Variants in ONECUT2 observed in about 807,000 individuals in gnomAD.
ONECUT2 encodes one cut domain family member 2.
A neutral mutation model predicts 27.9 loss-of-function variants in ONECUT2; 10 were observed. That is an observed-to-expected ratio of 0.36 (90% confidence interval 0.22 to 0.61). ONECUT2 has a LOEUF of 0.61. Among genes scored for constraint, ONECUT2 ranks in the 20% least tolerant of loss-of-function variants. The pLI is 0.73. For synonymous variants in ONECUT2, 334 were observed against 315.1 expected, an observed-to-expected ratio of 1.06 and a Z score of -0.64; for missense variants, 686 against 721.0, an observed-to-expected ratio of 0.95 and a Z score of 0.56.
chr18:57,452,992 T>G (rs1190388578), intron 1 of ONECUT2, among the ~76,000 whole-genome samples: 2 of 152,232 alleles, frequency 1.3e-5, no homozygotes, highest in Non-Finnish European at 2.9e-5. Flanking sequence ...TGTCTAAGTT[T>G]TTTTAAACTT....
rs1005359267 is a variant in ONECUT2 at position 57,487,750 on chromosome 18, G to A, written c.*11027G>A. 2.6e-5 allele frequency: 4 copies of A among 152,074 alleles called. No individual in the cohort carries two copies. The highest frequency in any genetic ancestry group is 7.2e-5 in the African/African-American group (3 of 41,410). 9.4% of individuals were successfully genotyped at this position (152,074 alleles called of 1,614,324 possible). ...ACAATGTTCCATCTACCATCTAAAA[G>A]GTAATATAAGAAGAAGTTTTGAAAC... On this transcript the variant is annotated 3_prime_UTR_variant, in exon 2 of 2. Coordinates refer to ENST00000491143, the MANE Select transcript of ONECUT2 (RefSeq NM_004852.3).
intron 1 of ONECUT2, among the ~76,000 whole-genome samples, chr18:57,448,265 G>A (rs1345580100): frequency 6.6e-6 from 1 of 152,184 alleles, no homozygotes; most frequent in Non-Finnish European, 1.5e-5. Context: ...GGGAGGTAGA[G>A]CATTGGAATA....
In ONECUT2 at chr18:57,476,900, C is replaced by T. The variant is rs2050386437; in HGVS notation, c.*177C>T. The T allele has an allele frequency of 1.4e-6, 1 of 737,926 alleles. No individual in the cohort carries two copies. Among genetic ancestry groups the T allele is most frequent in the Admixed American group, 2.9e-5 (1 of 34,054 alleles). The allele number at this position is 737,926 out of a possible 1,614,324, so 45.7% of individuals were successfully genotyped here. A position where few individuals can be genotyped will look rare whatever the true frequency, so the allele number is the denominator to read the frequency against. ...CTGTAATCATAGGCCAGGTGTTCTT[C>T]TTTTGTTTTTAATGGCTATGGAGTC... is the stretch of plus-strand genomic sequence containing the variant. On this transcript the variant is annotated 3_prime_UTR_variant, in exon 2 of 2. Coordinates refer to ENST00000491143, the MANE Select transcript of ONECUT2 (RefSeq NM_004852.3).
chr18:57,444,834 G>A (rs957786695), intron 1 of ONECUT2, among the ~76,000 whole-genome samples: 1 of 152,180 alleles, frequency 6.6e-6, no homozygotes, highest in Non-Finnish European at 1.5e-5. Flanking sequence ...TAGGATAGCT[G>A]GGCATTAAGC....
intron 1 of ONECUT2, among the ~76,000 whole-genome samples, chr18:57,474,703 T>A (rs28722501): frequency 0.03 from 4,501 of 152,146 alleles, 229 homozygotes; most frequent in African/African-American, 0.1. Flanking sequence ...ACATATGAAT[T>A]TTTGGGGGGA....
intron 1 of ONECUT2, among the ~76,000 whole-genome samples, chr18:57,460,541 T>C (rs571554193): frequency 1.6e-4 from 25 of 152,254 alleles, no homozygotes; most frequent in Admixed American, 9.8e-4. Flanking sequence ...GGATATATAT[T>C]TTCTCTCCTC....
chr18:57,464,865 T>G (rs1365175971), intron 1 of ONECUT2, among the ~76,000 whole-genome samples: 1 of 152,232 alleles, frequency 6.6e-6, no homozygotes, highest in African/African-American at 2.4e-5. Context: ...TCTTGAGCTT[T>G]TAAGTTTGAT....
chr18:57,449,269 A>C (rs1280736762), intron 1 of ONECUT2, among the ~76,000 whole-genome samples: 1 of 152,214 alleles, frequency 6.6e-6, no homozygotes, highest in Non-Finnish European at 1.5e-5. Flanking sequence ...TTAGATTAAG[A>C]TCCAGAAGAG....
chr18:57,455,761 G>A (rs1336435362), intron 1 of ONECUT2, among the ~76,000 whole-genome samples: 1 of 152,138 alleles, frequency 6.6e-6, no homozygotes, highest in Non-Finnish European at 1.5e-5. Context: ...CCTCCGGAGG[G>A]GTCTAGGGAA....
Position 57,436,619 on chromosome 18 carries a change from T to G in ONECUT2, c.903T>G (p.Thr301=). Residue 301 remains threonine (T), a synonymous_variant, in exon 1 of 2, where the codon ACT becomes ACG. Coordinates refer to ENST00000491143, the MANE Select transcript of ONECUT2 (RefSeq NM_004852.3). This position sits in a 1 kb window ranked among gnomAD's most constrained non-coding sequence, Gnocchi z 5.9. ...ACGGCCTGCACCACCCGGGCCACAC[T>G]CAGTCTCACGGGCCGGTGCTGGCAC... ...HLNGLHHPGH[T]QSHGPVLAPS... The G allele has an allele frequency of 6.2e-7, 1 of 1,611,104 alleles. No homozygotes were observed. Among genetic ancestry groups the G allele is most frequent in the Non-Finnish European group, 8.5e-7 (1 of 1,179,838 alleles).
chr18:57,490,622 C>G lies in ONECUT2; in HGVS notation c.*13899C>G, dbSNP rs927076476. On this transcript the variant is annotated 3_prime_UTR_variant, in exon 2 of 2. Coordinates refer to ENST00000491143, the MANE Select transcript of ONECUT2 (RefSeq NM_004852.3). ...AGACCGTACTCTGCCACCTGCCTTC[C>G]AGGTAGCTATTCTAGAAACTCAGTC... The G allele has an allele frequency of 6.6e-6, 1 of 152,160 alleles. No individual in the cohort carries two copies. Among genetic ancestry groups the G allele is most frequent in the Non-Finnish European group, 1.5e-5 (1 of 68,036 alleles). 9.4% of individuals were successfully genotyped at this position (152,160 alleles called of 1,614,324 possible).
rs74348459 is a variant in ONECUT2 at position 57,459,987 on chromosome 18, A to G, written c.1229-16450A>G. On this transcript the variant is annotated intron_variant, in intron 1 of 1. Transcript: ENST00000491143. ...GCCTAGGCTGAGATGCAGAGCCCCA[A>G]TCATAGCTCACTGCAACCTCGAACT... Among the ~76,000 whole-genome samples, 1,475 of 152,304 alleles carry G rather than the reference A, an allele frequency of 9.7e-3. 24 individuals carry two copies. Among genetic ancestry groups the G allele is most frequent in the African/African-American group, 0.034 (1,394 of 41,556 alleles).
Position 57,482,549 on chromosome 18 carries a change from A to G in ONECUT2, c.*5826A>G, listed in dbSNP as rs973702692. 4 of 152,232 alleles carry G rather than the reference A, an allele frequency of 2.6e-5. No individual in the cohort carries two copies. The highest frequency in any genetic ancestry group is 5.9e-5 in the Non-Finnish European group (4 of 68,048). The allele number at this position is 152,232 out of a possible 1,614,324, so 9.4% of individuals were successfully genotyped here. A position where few individuals can be genotyped will look rare whatever the true frequency, so the allele number is the denominator to read the frequency against. Reference sequence around the variant, plus strand: ...TAGTGGAGAAAAAGACATTGCTACCAGCTTGTTCATCCCATAGAAGTCTTC... The same window carrying G: ...TAGTGGAGAAAAAGACATTGCTACCGGCTTGTTCATCCCATAGAAGTCTTC... On this transcript the variant is annotated 3_prime_UTR_variant, in exon 2 of 2. Coordinates refer to ENST00000491143, the MANE Select transcript of ONECUT2 (RefSeq NM_004852.3).
rs1239889180 is a variant in ONECUT2, at chr18:57,477,818, G to A, written c.*1095G>A. 1 of 152,278 alleles carries A rather than the reference G, an allele frequency of 6.6e-6. No individual in the cohort carries two copies. The highest frequency in any genetic ancestry group is 2.4e-5 in the African/African-American group (1 of 41,328). 9.4% of individuals were successfully genotyped at this position (152,278 alleles called of 1,614,324 possible). The stretch of plus-strand genomic sequence containing the variant: ...TCCATTCTCGCTCTTTCTGATTTGG[G>A]GTTTTTCCTCATCCATCCCATTAGT... On this transcript the variant is annotated 3_prime_UTR_variant, in exon 2 of 2. Coordinates refer to ENST00000491143, the MANE Select transcript of ONECUT2 (RefSeq NM_004852.3).
intron 1 of ONECUT2, among the ~76,000 whole-genome samples, chr18:57,460,248 C>A (rs1450781592): frequency 6.6e-6 from 1 of 152,070 alleles, no homozygotes; most frequent in African/African-American, 2.4e-5. Context: ...ACATTTGAAT[C>A]TTTATTCTTT....
At chr18:57,437,396 C>T (rs2050148903) in intron 1 of ONECUT2, among the ~76,000 whole-genome samples, 2 of 152,220 alleles carry the variant, frequency 1.3e-5, no homozygotes, top group Admixed American at 6.5e-5. Context: ...TTCAATTTTC[C>T]GGGCTGACTA....
chr18:57,461,078 G>A (rs1313880610), intron 1 of ONECUT2, among the ~76,000 whole-genome samples: 4 of 151,922 alleles, frequency 2.6e-5, no homozygotes, highest in Non-Finnish European at 5.9e-5. Flanking sequence ...ACTTGTTACT[G>A]TTGTGAAGGT....
rs1038157383 is a variant in ONECUT2 at position 57,486,561 on chromosome 18, C to T, written c.*9838C>T. On this transcript the variant is annotated 3_prime_UTR_variant, in exon 2 of 2. Coordinates refer to ENST00000491143, the MANE Select transcript of ONECUT2 (RefSeq NM_004852.3). Reference sequence around the variant, plus strand: ...AGTGTTTAGAGTAATGTTATTATAGCGTATGTAATAAATTATTCACTGTTT... The same window carrying T: ...AGTGTTTAGAGTAATGTTATTATAGTGTATGTAATAAATTATTCACTGTTT... The T allele has an allele frequency of 1.3e-5, 2 of 151,178 alleles. No individual in the cohort carries two copies. Among genetic ancestry groups the T allele is most frequent in the Non-Finnish European group, 2.9e-5 (2 of 67,888 alleles). 9.4% of individuals were successfully genotyped at this position (151,178 alleles called of 1,614,324 possible).
rs557587820 is a variant in ONECUT2 at position 57,483,272 on chromosome 18, T to A, written c.*6549T>A. ...GCGTTAGCTAGTGGGGAGTGGTGAT[T>A]TTTTTCATGCTTGTCACATCTAAAT... On this transcript the variant is annotated 3_prime_UTR_variant, in exon 2 of 2. Coordinates refer to ENST00000491143, the MANE Select transcript of ONECUT2 (RefSeq NM_004852.3). The A allele has an allele frequency of 6.5e-6, 1 of 152,694 alleles. No individual in the cohort carries two copies. The highest frequency in any genetic ancestry group is 2.1e-4 in the South Asian group (1 of 4,830). The allele number at this position is 152,694 out of a possible 1,614,324, so 9.5% of individuals were successfully genotyped here.
Sources: allele counts gnomAD v4.1 joint callset (sites outside exome capture counted in the v4.1 genomes callset), GRCh38; gene constraint gnomAD v4.1.1; non-coding constraint Gnocchi (gnomAD v3.1); transcripts MANE v1.5; gene names NCBI Gene and HGNC (gene_info 2026-07-23, HGNC 2026-07-21).